Variants in SGCZ observed in about 807,000 individuals in gnomAD.
The protein encoded by SGCZ is zeta-sarcoglycan.
A neutral mutation model predicts 41.3 loss-of-function variants in SGCZ; 40 were observed. The observed-to-expected ratio is 0.97, with a 90% CI of 0.75 to 1.26. SGCZ has a LOEUF of 1.26. SGCZ is among the 50% of genes most tolerant of loss of function. The pLI is 0.00. For synonymous variants in SGCZ, 206 were observed against 137.5 expected, an observed-to-expected ratio of 1.50 and a Z score of -3.49; for missense variants, 552 against 369.8, an observed-to-expected ratio of 1.49 and a Z score of -4.04.
At chr8:14,276,924 A>C (rs1800255768) in intron 3 of SGCZ, among the ~76,000 whole-genome samples, 1 of 152,132 alleles carries the variant, frequency 6.6e-6, no homozygotes, top group African/African-American at 2.4e-5. Flanking sequence ...ACCAATGGAA[A>C]CCCCTAGAGA....
chr8:15,159,599 T>G (rs1206810171), intron 1 of SGCZ, among the ~76,000 whole-genome samples: 1 of 152,168 alleles, frequency 6.6e-6, no homozygotes, highest in Non-Finnish European at 1.5e-5. Context: ...TTGCCTGGTG[T>G]GTGGGCAACC....
chr8:14,735,367 G>A (rs1028510662), intron 1 of SGCZ, among the ~76,000 whole-genome samples: 3 of 152,250 alleles, frequency 2.0e-5, no homozygotes, highest in African/African-American at 4.8e-5. Context: ...CCGCCAGCAC[G>A]GCTAAAACAA....
intron 1 of SGCZ, among the ~76,000 whole-genome samples, chr8:15,172,159 T>G (rs1799853763): frequency 1.0e-5 from 1 of 97,006 alleles, no homozygotes; most frequent in African/African-American, 3.5e-5. Flanking sequence ...ACTCTGTTTT[T>G]TTTTTTTTTT....
At chr8:14,126,115 T>TAAA (rs954703146) in intron 5 of SGCZ, among the ~76,000 whole-genome samples, 2 of 152,082 alleles carry the variant, frequency 1.3e-5, no homozygotes, top group African/African-American at 4.8e-5. Flanking sequence ...GAACAAAAGC[T>TAAA]AAAATTGACA....
intron 1 of SGCZ, among the ~76,000 whole-genome samples, chr8:15,066,274 G>C (rs1805140691): frequency 1.4e-5 from 2 of 144,290 alleles, no homozygotes; most frequent in African/African-American, 2.6e-5. Context: ...CGCCACTGCA[G>C]TCCGCAGTCC....
intron 2 of SGCZ, among the ~76,000 whole-genome samples, chr8:14,365,187 A>T (rs11993097): frequency 0.067 from 10,227 of 152,014 alleles, 1,031 homozygotes; most frequent in African/African-American, 0.22. Flanking sequence ...TTCAAGCTGG[A>T]CTTACCTACT....
chr8:14,815,158 G>C (rs1291082863), intron 1 of SGCZ, among the ~76,000 whole-genome samples: 1 of 151,950 alleles, frequency 6.6e-6, no homozygotes, highest in Non-Finnish European at 1.5e-5. Context: ...AGTGTATGTT[G>C]AGAAGAAAGT....
chr8:14,873,069 T>G (rs912249850), intron 1 of SGCZ, among the ~76,000 whole-genome samples: 6 of 152,122 alleles, frequency 3.9e-5, no homozygotes, highest in Non-Finnish European at 8.8e-5. Flanking sequence ...CAGGTTTTGG[T>G]TAAATGTAAT....
chr8:14,115,537 G>A (rs1802496969), intron 5 of SGCZ, among the ~76,000 whole-genome samples: 1 of 151,886 alleles, frequency 6.6e-6, no homozygotes, highest in Admixed American at 6.6e-5. Context: ...GTCTAGATAA[G>A]CTTTCAACGT....
chr8:14,795,539 C>G (rs544670606), intron 1 of SGCZ, among the ~76,000 whole-genome samples: 2 of 152,048 alleles, frequency 1.3e-5, no homozygotes, highest in Non-Finnish European at 2.9e-5. Context: ...ACCTCCTAGA[C>G]ACAAGGAAGC....
chr8:15,054,395 T>A (rs1283681581), intron 1 of SGCZ, among the ~76,000 whole-genome samples: 1 of 152,148 alleles, frequency 6.6e-6, no homozygotes, highest in African/African-American at 2.4e-5. Context: ...ATAGCTTATA[T>A]GCCAGTGCAG....
chr8:14,252,305 TA>T (rs1297935461), intron 3 of SGCZ, among the ~76,000 whole-genome samples: 3 of 152,174 alleles, frequency 2.0e-5, no homozygotes, highest in African/African-American at 7.2e-5. Flanking sequence ...TTTTGTCATG[TA>T]TTTTTTTCAG....
intron 1 of SGCZ, among the ~76,000 whole-genome samples, chr8:14,814,162 G>C (rs1801823406): frequency 1.3e-5 from 2 of 152,078 alleles, no homozygotes; most frequent in Non-Finnish European, 2.9e-5. Flanking sequence ...TAATTAATAA[G>C]TTACAGAATA....
At position 14,871,296 on chromosome 8, in the gene SGCZ, A is replaced by T. The variant is rs190393058; in HGVS notation, c.40-316370T>A. Reference sequence around the variant, plus strand: ...TTTTACACTGTTGGTGGGAGTGTAAATTATTTCAACCACTGTGAAAGACAG... The same window carrying T: ...TTTTACACTGTTGGTGGGAGTGTAATTTATTTCAACCACTGTGAAAGACAG... On this transcript the variant is annotated intron_variant, in intron 1 of 7. Transcript: ENST00000382080. Among the ~76,000 whole-genome samples the T allele has an allele frequency of 4.0e-3, 614 of 152,274 alleles. 4 individuals carry two copies. Among genetic ancestry groups the T allele is most frequent in the South Asian group, 0.018 (87 of 4,816 alleles).
rs1801197854 is a variant in SGCZ at position 14,968,727 on chromosome 8, C to T, written c.39+268858G>A. On this transcript the variant is annotated intron_variant, in intron 1 of 7. Transcript: ENST00000382080. ...GACTTCTAAGCTGAGTGTTTAAAGGCTAAAAGAAAATAACTTCTTAATTGT... is the reference window on the plus strand; with the variant it reads ...GACTTCTAAGCTGAGTGTTTAAAGGTTAAAAGAAAATAACTTCTTAATTGT... 2.6e-5 allele frequency among the ~76,000 whole-genome samples: 4 copies of T among 152,046 alleles called. No homozygotes were observed. The South Asian group carries it at 8.3e-4, about 32-fold the overall frequency.
chr8:14,861,146 G>C (rs1415785074), intron 1 of SGCZ, among the ~76,000 whole-genome samples: 1 of 152,118 alleles, frequency 6.6e-6, no homozygotes, highest in Admixed American at 6.6e-5. Context: ...CTTTGTGTTG[G>C]AATTAAAACT....
intron 1 of SGCZ, among the ~76,000 whole-genome samples, chr8:14,830,063 G>T (rs1246430387): frequency 6.6e-6 from 1 of 152,170 alleles, no homozygotes; most frequent in East Asian, 1.9e-4. Context: ...GCACGCCTTG[G>T]CCTCCCAAAG....
intron 2 of SGCZ, among the ~76,000 whole-genome samples, chr8:14,387,999 C>T (rs1038198214): frequency 1.3e-5 from 2 of 151,914 alleles, no homozygotes; most frequent in Non-Finnish European, 2.9e-5. Flanking sequence ...TAATCATACA[C>T]AATATAAAAT....
chr8:14,149,877 C>G (rs1050153859), intron 5 of SGCZ, among the ~76,000 whole-genome samples: 1 of 151,982 alleles, frequency 6.6e-6, no homozygotes, highest in African/African-American at 2.4e-5. Flanking sequence ...AATCCACACA[C>G]TACAGTGAAC....
Sources: gnomAD v4.1 joint callset for allele counts (sites outside exome capture counted in the v4.1 genomes callset) on GRCh38, gnomAD v4.1.1 for gene constraint, MANE v1.5 for transcripts, NCBI Gene and HGNC (gene_info 2026-07-23, HGNC 2026-07-21) for gene names.